The following MGAT4C variants were observed in gnomAD, a reference collection of about 807,000 sequenced individuals.
MGAT4C encodes alpha-1,3-mannosyl-glycoprotein 4-beta-N-acetylglucosaminyltransferase C.
MGAT4C carries 19 observed loss-of-function variants against 40.1 expected under a neutral mutation model. The observed-to-expected ratio is 0.47, with a 90% CI of 0.33 to 0.70. MGAT4C has a LOEUF of 0.70. Among genes scored for constraint, MGAT4C ranks in the 30% least tolerant of loss-of-function variants. The pLI is 0.02. For synonymous variants in MGAT4C, 181 were observed against 187.1 expected (o/e 0.97, Z 0.27); for missense variants, 491 against 563.2 (o/e 0.87, Z 1.30).
At chr12:86,719,251 T>C (rs1463634083) in intron 2 of MGAT4C, among the ~76,000 whole-genome samples, 2 of 152,170 alleles carry the variant, frequency 1.3e-5, no homozygotes, top group African/African-American at 4.8e-5. Flanking sequence ...TATATTGTAA[T>C]ATCACACTCA....
At chr12:86,004,905 G>A (rs1250965816) in intron 2 of MGAT4C, among the ~76,000 whole-genome samples, 1 of 152,190 alleles carries the variant, frequency 6.6e-6, no homozygotes, top group African/African-American at 2.4e-5. Context: ...ACTGTAGGCA[G>A]AAACTAAATT....
chr12:86,498,557 C>G (rs891480975), intron 2 of MGAT4C, among the ~76,000 whole-genome samples: 1 of 151,908 alleles, frequency 6.6e-6, no homozygotes, highest in African/African-American at 2.4e-5. Flanking sequence ...CATTTACAGA[C>G]CATACCTGGC....
rs1385340159 is a variant in MGAT4C, at chr12:86,103,486, A to G, written c.-56-53763T>C. On this transcript the variant is annotated intron_variant, in intron 1 of 4. Transcript: ENST00000611864. ...AGAAATGCCAACTACCAGAAGCTGG[A>G]AGAGGTAAAGAACAGATTATTCTTC... Among the ~76,000 whole-genome samples the G allele has an allele frequency of 3.9e-5, 6 of 152,282 alleles. No homozygotes were observed. The East Asian group carries it at 1.2e-3, about 29-fold the overall frequency.
intron 2 of MGAT4C, among the ~76,000 whole-genome samples, chr12:86,469,155 G>A (rs879287007): frequency 2.6e-5 from 4 of 151,958 alleles, no homozygotes; most frequent in Middle Eastern, 3.2e-3. Context: ...GCTGTATTTA[G>A]TCATACTACT....
intron 1 of MGAT4C, among the ~76,000 whole-genome samples, chr12:86,220,041 A>G (rs1950822879): frequency 6.6e-6 from 1 of 152,104 alleles, no homozygotes; most frequent in Admixed American, 6.5e-5. Flanking sequence ...CCTATAATTT[A>G]ATTAAAAGGG....
chr12:85,961,644 C>T lies in MGAT4C; in HGVS notation c.*17645G>A, dbSNP rs1883116808. ...CCTAAGGAAATTTCCATGTCAGATA[C>T]AATAAGAGCAACGGAAGAAAATGTA... On this transcript the variant is annotated 3_prime_UTR_variant, in exon 5 of 5. Transcript: ENST00000611864. 1 of 151,702 alleles carries T rather than the reference C, an allele frequency of 6.6e-6. No individual in the cohort carries two copies. Among genetic ancestry groups the T allele is most frequent in the Admixed American group, 6.6e-5 (1 of 15,194 alleles). The allele number at this position is 151,702 out of a possible 1,614,324, so 9.4% of individuals were successfully genotyped here.
chr12:86,292,299 TATC>T (rs1342276122), intron 4 of MGAT4C, among the ~76,000 whole-genome samples: 1 of 151,908 alleles, frequency 6.6e-6, no homozygotes, highest in Non-Finnish European at 1.5e-5. Flanking sequence ...TTTTTTAAAA[TATC>T]ATATTTTAGA....
chr12:86,178,170 T>C (rs1254739640), intron 1 of MGAT4C, among the ~76,000 whole-genome samples: 1 of 152,174 alleles, frequency 6.6e-6, no homozygotes, highest in Non-Finnish European at 1.5e-5. Context: ...TCTCCTGACC[T>C]TGTGATCCGC....
At chr12:86,175,729 A>G (rs1593148243) in intron 1 of MGAT4C, among the ~76,000 whole-genome samples, 1 of 145,700 alleles carries the variant, frequency 6.9e-6, no homozygotes, top group African/African-American at 2.5e-5. Context: ...AGGCGGGCGG[A>G]TCACGAGGTT....
At chr12:86,419,142 T>C (rs988289432) in intron 3 of MGAT4C, among the ~76,000 whole-genome samples, 2 of 152,084 alleles carry the variant, frequency 1.3e-5, no homozygotes, top group Non-Finnish European at 2.9e-5. Context: ...CCTCCAACTT[T>C]TAAAATTTCA....
chr12:86,800,714 T>C (rs1460542155), intron 1 of MGAT4C, among the ~76,000 whole-genome samples: 29 of 151,876 alleles, frequency 1.9e-4, no homozygotes. Flanking sequence ...GAAAGTGCCA[T>C]TGTAAGAGAA....
At chr12:86,158,264 C>T (rs567926998) in intron 1 of MGAT4C, among the ~76,000 whole-genome samples, 38 of 152,028 alleles carry the variant, frequency 2.5e-4, no homozygotes, top group African/African-American at 9.2e-4. Context: ...AAATCCATAG[C>T]CTAAATCTTA....
intron 1 of MGAT4C, among the ~76,000 whole-genome samples, chr12:86,735,757 T>C (rs1380868817): frequency 6.6e-6 from 1 of 151,850 alleles, no homozygotes; most frequent in Non-Finnish European, 1.5e-5. Flanking sequence ...ACATCTCTTC[T>C]GAAACTGACT....
intron 1 of MGAT4C, among the ~76,000 whole-genome samples, chr12:86,826,858 A>T (rs2136232184): frequency 6.6e-6 from 1 of 151,518 alleles, no homozygotes; most frequent in East Asian, 2.0e-4. Flanking sequence ...TTATAATTTT[A>T]GTCTATGTAT....
chr12:86,387,237 C>G lies in MGAT4C; in HGVS notation c.-120+47920G>C, dbSNP rs575929749. Among the ~76,000 whole-genome samples, 9 of 152,206 alleles carry G rather than the reference C, an allele frequency of 5.9e-5. No homozygotes were observed. The East Asian group carries it at 1.7e-3, about 29-fold the overall frequency. On this transcript the variant is annotated intron_variant, in intron 3 of 7. Coordinates refer to the MGAT4C transcript ENST00000548651. ...GAAAATTTTACTGCATACTTACTTA[C>G]TAGTCCTAATCTCTCAGAGACAATG...
At chr12:86,382,090 G>A (rs1047151475) in intron 3 of MGAT4C, among the ~76,000 whole-genome samples, 5 of 152,208 alleles carry the variant, frequency 3.3e-5, no homozygotes, top group Non-Finnish European at 4.4e-5. Flanking sequence ...GGTTGGAACA[G>A]TTTGGAGGGC....
intron 2 of MGAT4C, among the ~76,000 whole-genome samples, chr12:86,713,911 T>C (rs1950600600): frequency 6.6e-6 from 1 of 151,328 alleles, no homozygotes; most frequent in Admixed American, 6.6e-5. Context: ...ATTTTAAACA[T>C]TTATTATATT....
intron 4 of MGAT4C, among the ~76,000 whole-genome samples, chr12:86,331,447 G>C (rs1339709210): frequency 1.3e-5 from 2 of 152,048 alleles, no homozygotes; most frequent in Non-Finnish European, 2.9e-5. Context: ...TCCCAGTTGA[G>C]TATTCCTAGA....
intron 2 of MGAT4C, among the ~76,000 whole-genome samples, chr12:86,550,336 A>T (rs977280573): frequency 1.3e-5 from 2 of 152,150 alleles, no homozygotes; most frequent in Non-Finnish European, 2.9e-5. Flanking sequence ...CACTCCAAAC[A>T]CTTACAGTCT....
Sources: allele counts gnomAD v4.1 joint callset (sites outside exome capture counted in the v4.1 genomes callset), GRCh38; gene constraint gnomAD v4.1.1; transcripts MANE v1.5; gene names NCBI Gene and HGNC (gene_info 2026-07-23, HGNC 2026-07-21).